The following RTN4 variants were observed in gnomAD, a reference collection of about 807,000 sequenced individuals.
RTN4 encodes the protein reticulon 4.
Under a neutral mutation model 90.4 loss-of-function variants are expected in RTN4, and 32 were observed. That is an observed-to-expected ratio of 0.35 (90% CI 0.27 to 0.48). RTN4 has a LOEUF of 0.48. Among genes scored for constraint, RTN4 ranks in the 20% least tolerant of loss-of-function variants. RTN4 has a pLI of 0.99. For synonymous variants in RTN4, 629 were observed against 552.5 expected (o/e 1.14, Z -1.94); for missense variants, 1,706 against 1,430.2 (o/e 1.19, Z -3.11).
At chr2:55,083,260 C>T (rs1668755747) in intron 1 of RTN4, among the ~76,000 whole-genome samples, 1 of 152,194 alleles carries the variant, frequency 6.6e-6, no homozygotes, top group African/African-American at 2.4e-5. Flanking sequence ...CTTTGGAAGG[C>T]CAAGGTGGGA....
chr2:55,099,163 T>C (rs1667806669), intron 1 of RTN4, among the ~76,000 whole-genome samples: 1 of 152,142 alleles, frequency 6.6e-6, no homozygotes, highest in African/African-American at 2.4e-5. Context: ...CACTATTTAG[T>C]TACTGGGGCA....
At chr2:55,129,686 C>T in the RTN4 span, among the ~76,000 whole-genome samples, 3 of 152,102 alleles carry the variant, frequency 2.0e-5, no homozygotes, top group Admixed American at 6.5e-5. Context: ...CTCAGCCTCC[C>T]GAGTAGCTGG....
At chr2:54,994,875 A>G (rs1333051344) in intron 3 of RTN4, among the ~76,000 whole-genome samples, 1 of 152,214 alleles carries the variant, frequency 6.6e-6, no homozygotes, top group Non-Finnish European at 1.5e-5. Context: ...AACAGAACCA[A>G]TTTTACCATA....
chr2:55,120,429 C>A, the RTN4 span, among the ~76,000 whole-genome samples: 1 of 152,064 alleles, frequency 6.6e-6, no homozygotes, highest in African/African-American at 2.4e-5. Flanking sequence ...TTCCTCCGGC[C>A]CAGGCTTTAC....
intron 1 of RTN4, among the ~76,000 whole-genome samples, chr2:55,082,163 C>G (rs910072898): frequency 1.2e-4 from 19 of 152,108 alleles, no homozygotes; most frequent in African/African-American, 4.6e-4. Flanking sequence ...TTCTAACTGG[C>G]TATACCACTT....
intron 1 of RTN4, among the ~76,000 whole-genome samples, chr2:55,098,799 G>A (rs1016731394): frequency 2.7e-4 from 41 of 152,130 alleles, no homozygotes; most frequent in Admixed American, 5.2e-4. Context: ...ACGAAATCAG[G>A]TCATTTGTTC....
At chr2:55,004,454 C>G (rs923725597) in intron 3 of RTN4, among the ~76,000 whole-genome samples, 3 of 152,052 alleles carry the variant, frequency 2.0e-5, no homozygotes, top group African/African-American at 7.3e-5. Flanking sequence ...GTCAGTAAAA[C>G]AGGAAAGTTG....
At chr2:55,110,224 T>C (rs569054473) in intron 1 of RTN4, among the ~76,000 whole-genome samples, 3 of 151,578 alleles carry the variant, frequency 2.0e-5, no homozygotes, top group East Asian at 1.9e-4. Context: ...GGTGGGAGGA[T>C]TGCTTGAGCC....
chr2:55,116,847 T>C (rs569210211), upstream of RTN4, among the ~76,000 whole-genome samples: 1 of 151,286 alleles, frequency 6.6e-6, no homozygotes, highest in East Asian at 1.9e-4. Context: ...CCTTTATGCA[T>C]AGCTGTTTCT....
In RTN4 at chr2:55,050,050, TC is replaced by T; in HGVS notation, c.250del (p.Asp84ThrfsTer68). Reference sequence around the variant, plus strand: ...TCCCCGGGGCGCCGGCGGCACGAAGTCATTTCCGAAGTCCATCAGGGGCGCG... The same window carrying T: ...TCCCCGGGGCGCCGGCGGCACGAAGTATTTCCGAAGTCCATCAGGGGCGCG... ...AGAPLMDFGNDFVPPAPRGPL... is the reference protein window; with the variant it reads ...AGAPLMDFGNXFVPPAPRGPL... On this transcript the variant is annotated frameshift_variant, in exon 1 of 9. Transcript: ENST00000337526. LOFTEE classifies it high-confidence loss of function. The surrounding 1 kb of genome is among the most constrained non-coding windows in gnomAD (Gnocchi z 4.6). 7.1e-7 allele frequency: 1 copy of T among 1,414,536 alleles called. No individual in the cohort carries two copies. The highest frequency in any genetic ancestry group is 9.2e-7 in the Non-Finnish European group (1 of 1,090,792). The allele number at this position is 1,414,536 out of a possible 1,614,324, so 87.6% of individuals were successfully genotyped here. A position where few individuals can be genotyped will look rare whatever the true frequency, so the allele number is the denominator to read the frequency against.
At chr2:55,134,622 T>C in the RTN4 span, among the ~76,000 whole-genome samples, 2 of 152,206 alleles carry the variant, frequency 1.3e-5, no homozygotes, top group Non-Finnish European at 2.9e-5. Flanking sequence ...AATATTATTC[T>C]TCAAGTTTAA....
chr2:55,083,149 A>G (rs1038057819), intron 1 of RTN4, among the ~76,000 whole-genome samples: 1 of 152,248 alleles, frequency 6.6e-6, no homozygotes, highest in African/African-American at 2.4e-5. Context: ...AGTGATATCT[A>G]TGACAGTTTG....
intron 1 of RTN4, among the ~76,000 whole-genome samples, chr2:55,083,183 TTATAAA>T (rs1265783911): frequency 3.3e-5 from 5 of 152,204 alleles, no homozygotes; most frequent in Admixed American, 6.5e-5. Context: ...AATTGCTTGC[TTATAAA>T]TATAACAATA....
In RTN4 at chr2:55,111,440, G is replaced by A. The variant is rs187348718; in HGVS notation, c.-214+1080C>T. 2.0e-5 allele frequency among the ~76,000 whole-genome samples: 3 copies of A among 152,324 alleles called. No individual in the cohort carries two copies. The East Asian group carries it at 5.8e-4, about 29-fold the overall frequency. On this transcript the variant is annotated intron_variant, in intron 1 of 3. Coordinates refer to the RTN4 transcript ENST00000427710. ...TAGTGAGATAATAAATAAAGTCACT[G>A]CCTTTTGTGACACCTTACTCAACCT...
upstream of RTN4, among the ~76,000 whole-genome samples, chr2:55,117,334 C>A (rs56181361): frequency 8.3e-4 from 127 of 152,264 alleles, no homozygotes; most frequent in African/African-American, 3.0e-3. Flanking sequence ...CTCATGCCTT[C>A]GAGCATTCCC....
Position 55,025,316 on chromosome 2 carries a change from A to T in RTN4, c.2783T>A (p.Val928Asp). The change falls in exon 3 of 9, where the codon GTT becomes GAT. Residue 928 changes from valine (V) to aspartate (D), a missense_variant. Coordinates refer to ENST00000337526, the MANE Select transcript of RTN4 (RefSeq NM_020532.5). ...ATCTGAGAAACTGATTTTCTCTTCA[A>T]CTTTGGGTTGTATGTTCTTCAAAGA... Reference protein sequence around the residue: ...DLSLKNIQPKVEEKISFSDDF... With the variant: ...DLSLKNIQPKDEEKISFSDDF... 3 of 1,613,938 alleles carry T rather than the reference A, an allele frequency of 1.9e-6. No homozygotes were observed. Among genetic ancestry groups the T allele is most frequent in the Non-Finnish European group, 2.5e-6 (3 of 1,179,894 alleles).
rs748984025 is a variant in RTN4, at chr2:55,026,472, C to G, written c.1627G>C (p.Val543Leu). The stretch of plus-strand genomic sequence containing the variant: ...GTCAGGCCTTCAGGCATGTTTGCCA[C>G]GACTTCCTCAGTCACCTTTGTTAAA... ...DNLTKVTEEV[V>L]ANMPEGLTPD... Residue 543 changes from valine to leucine, a missense_variant, in exon 3 of 9, where the codon GTG becomes CTG. Val to Leu is a conservative substitution (Grantham distance 32). Transcript: ENST00000337526. 1 of 1,613,830 alleles carries G rather than the reference C, an allele frequency of 6.2e-7. No individual in the cohort carries two copies. The highest frequency in any genetic ancestry group is 1.3e-5 in the African/African-American group (1 of 74,924).
At position 55,050,374 on chromosome 2, in the gene RTN4, G is replaced by T; in HGVS notation, c.-74C>A. The T allele has an allele frequency of 1.9e-6, 2 of 1,033,112 alleles. No individual in the cohort carries two copies. Among genetic ancestry groups the T allele is most frequent in the Non-Finnish European group, 2.6e-6 (2 of 765,510 alleles). The allele number at this position is 1,033,112 out of a possible 1,614,324, so 64.0% of individuals were successfully genotyped here. A position where few individuals can be genotyped will look rare whatever the true frequency, so the allele number is the denominator to read the frequency against. Reference sequence around the variant, plus strand: ...CCGCGTCTCAGAGCCGCGGGCGGTTGTGGGGGTTGGGGAGGACTGAGAGGG... The same window carrying T: ...CCGCGTCTCAGAGCCGCGGGCGGTTTTGGGGGTTGGGGAGGACTGAGAGGG... On this transcript the variant is annotated 5_prime_UTR_variant, in exon 1 of 9. Coordinates refer to ENST00000337526, the MANE Select transcript of RTN4 (RefSeq NM_020532.5). The surrounding 1 kb of genome is among the most constrained non-coding windows in gnomAD (Gnocchi z 4.6).
At chr2:55,117,829 G>C in the RTN4 span, among the ~76,000 whole-genome samples, 3 of 152,186 alleles carry the variant, frequency 2.0e-5, no homozygotes, top group Non-Finnish European at 4.4e-5. Flanking sequence ...TTTGGGGTAG[G>C]GAAGGGAGTT....
Sources: allele counts gnomAD v4.1 joint callset (sites outside exome capture counted in the v4.1 genomes callset), GRCh38; gene constraint gnomAD v4.1.1; non-coding constraint Gnocchi (gnomAD v3.1); transcripts MANE v1.5; gene names NCBI Gene and HGNC (gene_info 2026-07-23, HGNC 2026-07-21).